PDE4D: variants seen among roughly 807,000 people sequenced by gnomAD.
PDE4D encodes the protein phosphodiesterase 4D, also known as 3',5'-cyclic-AMP phosphodiesterase 4D.
A neutral mutation model predicts 87.4 loss-of-function variants in PDE4D; 24 were observed. The ratio of observed to expected loss-of-function variants is 0.27; its 90% CI spans 0.20 to 0.39. The LOEUF (loss-of-function observed/expected upper bound fraction) is 0.39, where lower values mean the gene tolerates loss of function less well. Ranked by LOEUF, PDE4D falls within the 10% of genes least tolerant of loss-of-function variation. PDE4D has a pLI of 1.00. For synonymous variants in PDE4D, 384 were observed against 383.2 expected (o/e 1.00, Z -0.02); for missense variants, 714 against 1,041.0 (o/e 0.69, Z 4.32).
chr5:59,762,533 CAT>C (rs1491299674), intron 1 of PDE4D, among the ~76,000 whole-genome samples: 27 of 36,012 alleles, frequency 7.5e-4, no homozygotes, highest in African/African-American at 3.7e-3. Context: ...TATGGGTACA[CAT>C]GTGTATATGT....
chr5:59,498,299 A>G (rs968151252), intron 1 of PDE4D, among the ~76,000 whole-genome samples: 1 of 151,220 alleles, frequency 6.6e-6, no homozygotes, highest in Non-Finnish European at 1.5e-5. Flanking sequence ...TAATAACACT[A>G]TGGCAAGAAT....
At chr5:60,354,381 T>C (rs561633729) in intron 1 of PDE4D, among the ~76,000 whole-genome samples, 4 of 152,196 alleles carry the variant, frequency 2.6e-5, no homozygotes, top group Non-Finnish European at 5.9e-5. Context: ...AATGCTGAGA[T>C]GTGTTAAAGT....
At chr5:59,097,874 C>A (rs1770024344) in intron 5 of PDE4D, among the ~76,000 whole-genome samples, 1 of 152,120 alleles carries the variant, frequency 6.6e-6, no homozygotes, top group South Asian at 2.1e-4. Context: ...AAAATTAAGT[C>A]ACAAAAACAT....
At chr5:59,189,685 G>A (rs1426494482) in intron 3 of PDE4D, among the ~76,000 whole-genome samples, 1 of 152,068 alleles carries the variant, frequency 6.6e-6, no homozygotes, top group Non-Finnish European at 1.5e-5. Flanking sequence ...CAGTTGCCGC[G>A]TGCACTCCAG....
intron 1 of PDE4D, among the ~76,000 whole-genome samples, chr5:59,766,293 A>T (rs1580994241): frequency 6.6e-6 from 1 of 152,190 alleles, no homozygotes; most frequent in Admixed American, 6.5e-5. Context: ...CTGAAAATCG[A>T]TACCATGATT....
At chr5:59,364,240 T>C (rs1166535614) in intron 1 of PDE4D, among the ~76,000 whole-genome samples, 2 of 152,202 alleles carry the variant, frequency 1.3e-5, no homozygotes, top group African/African-American at 4.8e-5. Context: ...GGTTTTTGCT[T>C]TCAGTGTTAC....
chr5:58,991,050 G>A, intron 8 of PDE4D, 148 bp from the exon 9 acceptor site: 1 of 574,420 alleles, frequency 1.7e-6, no homozygotes, highest in South Asian at 2.3e-5. Flanking sequence ...GGAGGCTGAG[G>A]CGGGCAGATC....
intron 1 of PDE4D, among the ~76,000 whole-genome samples, chr5:59,599,092 A>G (rs1341214816): frequency 6.6e-6 from 1 of 152,200 alleles, no homozygotes; most frequent in African/African-American, 2.4e-5. Context: ...AGAGTAAGAA[A>G]GGGGAAGCAC....
At chr5:60,472,832 T>A (rs1263191078) in intron 1 of PDE4D, among the ~76,000 whole-genome samples, 3 of 152,184 alleles carry the variant, frequency 2.0e-5, no homozygotes, top group Non-Finnish European at 4.4e-5. Context: ...CATGAAATAT[T>A]TATGTAATTT....
chr5:58,994,169 T>C (rs1228295091), intron 6 of PDE4D, among the ~76,000 whole-genome samples: 1 of 152,204 alleles, frequency 6.6e-6, no homozygotes, highest in Admixed American at 6.5e-5. Flanking sequence ...CCACAAAATT[T>C]ACCATTTTCC....
chr5:60,307,198 A>AGAATACTTTAAACAAC (rs1754578691), intron 1 of PDE4D, among the ~76,000 whole-genome samples: 2 of 152,188 alleles, frequency 1.3e-5, no homozygotes, highest in Non-Finnish European at 2.9e-5. Flanking sequence ...ACAACGACAC[A>AGAATACTTTAAACAAC]GAAACAGAAG....
intron 2 of PDE4D, among the ~76,000 whole-genome samples, chr5:60,133,357 C>T (rs1779753115): frequency 6.6e-6 from 1 of 151,976 alleles, no homozygotes; most frequent in Admixed American, 6.6e-5. Context: ...TAGACGGGGT[C>T]TCGTTCTGTT....
chr5:59,240,637 G>A lies in PDE4D; in HGVS notation c.456-24669C>T, dbSNP rs189530991. On this transcript the variant is annotated intron_variant, in intron 1 of 14. Coordinates refer to ENST00000340635, the MANE Select transcript of PDE4D (RefSeq NM_001104631.2). Reference sequence around the variant, plus strand: ...AGGTTTAGACCCTGCTCTGGACTCTGGAGAACATTGTATCTGTTTATGTCA... The same window carrying A: ...AGGTTTAGACCCTGCTCTGGACTCTAGAGAACATTGTATCTGTTTATGTCA... Among the ~76,000 whole-genome samples, 747 of 152,244 alleles carry A rather than the reference G, an allele frequency of 4.9e-3. 7 individuals carry two copies. Among genetic ancestry groups the A allele is most frequent in the African/African-American group, 0.017 (715 of 41,554 alleles).
chr5:59,485,818 A>T (rs1156028), intron 1 of PDE4D, among the ~76,000 whole-genome samples: 66,885 of 151,884 alleles, frequency 0.44, 17,638 homozygotes, highest in African/African-American at 0.75. Flanking sequence ...CAGGATTGCC[A>T]GGGGCATTCC....
chr5:59,023,158 G>T (rs1755532669), intron 6 of PDE4D, among the ~76,000 whole-genome samples: 1 of 149,166 alleles, frequency 6.7e-6, no homozygotes, highest in African/African-American at 2.5e-5. Flanking sequence ...CCAGGCAACA[G>T]TGCAAGACTC....
chr5:59,952,140 C>T (rs1267759733), intron 3 of PDE4D, among the ~76,000 whole-genome samples: 3 of 152,016 alleles, frequency 2.0e-5, no homozygotes, highest in Non-Finnish European at 2.9e-5. Context: ...GGCTCTTCCC[C>T]CTTCACTCTT....
chr5:59,148,961 G>C (rs1194985697), intron 5 of PDE4D, among the ~76,000 whole-genome samples: 1 of 152,122 alleles, frequency 6.6e-6, no homozygotes, highest in Non-Finnish European at 1.5e-5. Flanking sequence ...TGCAATGCTT[G>C]TGCTCAGCTT....
chr5:60,358,439 T>C (rs1052402203), intron 1 of PDE4D, among the ~76,000 whole-genome samples: 2 of 152,186 alleles, frequency 1.3e-5, no homozygotes, highest in African/African-American at 4.8e-5. Context: ...CATTGATAAA[T>C]AATCTTGTTT....
intron 1 of PDE4D, among the ~76,000 whole-genome samples, chr5:59,782,244 A>G (rs545055380): frequency 6.6e-6 from 1 of 152,274 alleles, no homozygotes; most frequent in East Asian, 1.9e-4. Context: ...TTTTCTAAGA[A>G]CTATGTTGTT....
Sources: allele counts gnomAD v4.1 joint callset (sites outside exome capture counted in the v4.1 genomes callset), GRCh38; gene constraint gnomAD v4.1.1; transcripts MANE v1.5; gene names NCBI Gene and HGNC (gene_info 2026-07-23, HGNC 2026-07-21).